Variants in AGBL4 observed in about 807,000 individuals in gnomAD.
AGBL4 encodes cytosolic carboxypeptidase 6.
In AGBL4, 58 loss-of-function variants were observed where a neutral mutation model predicts 66.4. The ratio of observed to expected loss-of-function variants is 0.87; its 90% CI spans 0.71 to 1.09. AGBL4 has a LOEUF of 1.09. AGBL4 is among the 50% of genes least tolerant of loss of function. The pLI, the probability that AGBL4 is intolerant of heterozygous loss-of-function variation, is 0.00. For synonymous variants in AGBL4, 234 were observed against 222.9 expected (o/e 1.05, Z -0.44); for missense variants, 579 against 631.0 (o/e 0.92, Z 0.88).
At chr1:48,634,710 C>T in intron 8 of AGBL4, 106 bp from the exon 9 acceptor site, 1 of 699,772 alleles carries the variant, frequency 1.4e-6, no homozygotes. Flanking sequence ...ACTTACCTAG[C>T]ATTTATCATT....
At chr1:49,158,517 G>A (rs957216567) in intron 4 of AGBL4, among the ~76,000 whole-genome samples, 4 of 152,178 alleles carry the variant, frequency 2.6e-5, no homozygotes. Flanking sequence ...TAAGTGCCAT[G>A]TAGTGCTGAG....
intron 6 of AGBL4, among the ~76,000 whole-genome samples, chr1:48,785,934 C>T (rs1157922622): frequency 6.6e-6 from 1 of 152,058 alleles, no homozygotes; most frequent in Non-Finnish European, 1.5e-5. Context: ...TGGTTATCAT[C>T]TCTGCTCATC....
chr1:49,274,757 G>A (rs1644134041), intron 3 of AGBL4, among the ~76,000 whole-genome samples: 1 of 152,018 alleles, frequency 6.6e-6, no homozygotes, highest in African/African-American at 2.4e-5. Context: ...TAATTAAAAA[G>A]CTAATACATT....
intron 3 of AGBL4, among the ~76,000 whole-genome samples, chr1:49,499,497 C>A (rs1647926325): frequency 6.6e-6 from 1 of 151,796 alleles, no homozygotes; most frequent in Non-Finnish European, 1.5e-5. Context: ...AAAGTGAAGT[C>A]TTTTATCACT....
intron 3 of AGBL4, among the ~76,000 whole-genome samples, chr1:49,629,943 C>T (rs1388099433): frequency 1.3e-5 from 2 of 152,074 alleles, no homozygotes; most frequent in Non-Finnish European, 2.9e-5. Context: ...TAATCAGCAC[C>T]CTTATTTGCA....
intron 3 of AGBL4, among the ~76,000 whole-genome samples, chr1:49,399,367 A>T (rs1027541403): frequency 5.3e-5 from 8 of 152,136 alleles, no homozygotes; most frequent in African/African-American, 1.7e-4. Context: ...CCTAGGAATG[A>T]GGTTGCTGGA....
chr1:48,738,394 G>A (rs1005603000), intron 6 of AGBL4, among the ~76,000 whole-genome samples: 8 of 152,182 alleles, frequency 5.3e-5, no homozygotes, highest in African/African-American at 1.2e-4. Flanking sequence ...AGCAGCCTTG[G>A]AGTGAGATGT....
chr1:48,982,760 C>T (rs1659878919), intron 5 of AGBL4, among the ~76,000 whole-genome samples: 1 of 152,056 alleles, frequency 6.6e-6, no homozygotes, highest in Non-Finnish European at 1.5e-5. Context: ...AATTCTAGAT[C>T]CCTGAGGAAT....
At chr1:49,521,051 C>T (rs1443682982) in intron 3 of AGBL4, among the ~76,000 whole-genome samples, 1 of 152,006 alleles carries the variant, frequency 6.6e-6, no homozygotes, top group Non-Finnish European at 1.5e-5. Flanking sequence ...TCATATGATC[C>T]ACCCACCTTG....
At chr1:48,652,074 T>G (rs1557855412) in intron 8 of AGBL4, among the ~76,000 whole-genome samples, 1 of 152,130 alleles carries the variant, frequency 6.6e-6, no homozygotes, top group Non-Finnish European at 1.5e-5. Flanking sequence ...CAGTGGCTCA[T>G]GCCTGCAATC....
chr1:48,661,406 T>C (rs1016030655), intron 7 of AGBL4, among the ~76,000 whole-genome samples: 1 of 152,154 alleles, frequency 6.6e-6, no homozygotes. Context: ...GTTTCAGCTG[T>C]GTGGGGCTGA....
chr1:49,457,542 T>C (rs1646417232), intron 3 of AGBL4, among the ~76,000 whole-genome samples: 1 of 151,894 alleles, frequency 6.6e-6, no homozygotes, highest in Admixed American at 6.6e-5. Context: ...TTTCTTTTGC[T>C]GTGCAGAAGC....
chr1:48,817,209 C>T (rs900656262), intron 6 of AGBL4, among the ~76,000 whole-genome samples: 2 of 152,174 alleles, frequency 1.3e-5, no homozygotes, highest in African/African-American at 4.8e-5. Flanking sequence ...ATTTCCTGCC[C>T]CTAAAGATCC....
At chr1:48,929,898 T>C (rs1397118539) in intron 5 of AGBL4, among the ~76,000 whole-genome samples, 1 of 152,180 alleles carries the variant, frequency 6.6e-6, no homozygotes, top group Non-Finnish European at 1.5e-5. Flanking sequence ...TTATTGTAGA[T>C]CACTTCAAGG....
chr1:49,203,555 A>C (rs2148235274), intron 4 of AGBL4, among the ~76,000 whole-genome samples: 1 of 152,346 alleles, frequency 6.6e-6, no homozygotes, highest in Non-Finnish European at 1.5e-5. Flanking sequence ...GAGGAATCTA[A>C]ATTAATCAAA....
chr1:49,749,117 C>T (rs1006940325), intron 2 of AGBL4, among the ~76,000 whole-genome samples: 1 of 151,990 alleles, frequency 6.6e-6, no homozygotes, highest in Non-Finnish European at 1.5e-5. Context: ...CCTAGGTTTT[C>T]TTCTAGGGTT....
chr1:49,397,570 C>G lies in AGBL4; in HGVS notation c.283-151706G>C, dbSNP rs190535384. ...ATAATATACAGGTAAAATTAGTAATCCAGAATTGAATCAGAAGAGTATTTA... is the reference window on the plus strand; with the variant it reads ...ATAATATACAGGTAAAATTAGTAATGCAGAATTGAATCAGAAGAGTATTTA... On this transcript the variant is annotated intron_variant, in intron 3 of 13. Transcript: ENST00000371839. Among the ~76,000 whole-genome samples, 3 of 152,134 alleles carry G rather than the reference C, an allele frequency of 2.0e-5. No homozygotes were observed. In the East Asian group the frequency reaches 5.8e-4, roughly 29 times the overall value.
At chr1:49,084,926 C>T (rs1644877483) in intron 4 of AGBL4, among the ~76,000 whole-genome samples, 2 of 152,140 alleles carry the variant, frequency 1.3e-5, no homozygotes, top group Admixed American at 6.5e-5. Flanking sequence ...TCTAAGTTCT[C>T]TTCACTTACC....
chr1:48,731,446 C>T (rs560998309), intron 6 of AGBL4, among the ~76,000 whole-genome samples: 1 of 152,142 alleles, frequency 6.6e-6, no homozygotes, highest in African/African-American at 2.4e-5. Context: ...AAGGGTTAGA[C>T]AAGTCTCCTA....
Sources: gnomAD v4.1 joint callset for allele counts (sites outside exome capture counted in the v4.1 genomes callset) on GRCh38, gnomAD v4.1.1 for gene constraint, MANE v1.5 for transcripts, NCBI Gene and HGNC (gene_info 2026-07-23, HGNC 2026-07-21) for gene names.